SYNE1: variants seen among roughly 807,000 people sequenced by gnomAD.
The protein encoded by SYNE1 is nesprin-1.
A neutral mutation model predicts 1,111.0 loss-of-function variants in SYNE1; 616 were observed. The ratio of observed to expected loss-of-function variants is 0.55; its 90% confidence interval spans 0.52 to 0.59. The LOEUF (loss-of-function observed/expected upper bound fraction) is 0.59, where lower values mean the gene tolerates loss of function less well. Among genes scored for constraint, SYNE1 ranks in the 20% least tolerant of loss-of-function variants. SYNE1 has a pLI of 0.00. For synonymous variants in SYNE1, 3,855 were observed against 3,825.8 expected (o/e 1.01, Z -0.28); for missense variants, 10,006 against 10,417.0 (o/e 0.96, Z 1.72).
chr6:152,512,486 G>T (rs1422302980), intron 6 of SYNE1, among the ~76,000 whole-genome samples: 1 of 151,946 alleles, frequency 6.6e-6, no homozygotes, highest in Non-Finnish European at 1.5e-5. Flanking sequence ...ATCCATTTTA[G>T]CATACATACA....
intron 131 of SYNE1, among the ~76,000 whole-genome samples, chr6:152,157,119 G>A (rs1041276706): frequency 1.3e-5 from 2 of 152,110 alleles, no homozygotes; most frequent in Admixed American, 1.3e-4. Context: ...GAGCCACCAC[G>A]CCCAGCTGAT....
chr6:152,490,738 C>A (rs748637665), intron 11 of SYNE1, among the ~76,000 whole-genome samples: 1 of 152,168 alleles, frequency 6.6e-6, no homozygotes, highest in Non-Finnish European at 1.5e-5. Context: ...CACGGACACA[C>A]GTGACATTTG....
Position 152,508,631 on chromosome 6 carries a change from C to T in SYNE1, c.581+1562G>A, listed in dbSNP as rs184671097. On this transcript the variant is annotated intron_variant, in intron 8 of 145. Transcript: ENST00000367255. ...TTACAAAGTTTAATTGCAATAGCATCGTGACACATCAGTGTGCAGTCACCA... is the reference window on the plus strand; with the variant it reads ...TTACAAAGTTTAATTGCAATAGCATTGTGACACATCAGTGTGCAGTCACCA... Among the ~76,000 whole-genome samples, 111 of 152,290 alleles carry T rather than the reference C, an allele frequency of 7.3e-4. 1 individual carries two copies. The highest frequency in any genetic ancestry group is 2.0e-3 in the African/African-American group (84 of 41,558).
At chr6:152,586,651 C>T (rs1429645922) in intron 3 of SYNE1, among the ~76,000 whole-genome samples, 2 of 96,074 alleles carry the variant, frequency 2.1e-5, no homozygotes, top group East Asian at 1.3e-3. Context: ...CAAACATACT[C>T]TCATACACAC....
intron 101 of SYNE1, among the ~76,000 whole-genome samples, chr6:152,257,635 GA>G (rs2091145312): frequency 6.6e-6 from 1 of 152,120 alleles, no homozygotes; most frequent in Non-Finnish European, 1.5e-5. Context: ...ATTAGAAACA[GA>G]AAGGATGAGA....
chr6:152,627,490 T>TAA (rs5880989), intron 3 of SYNE1, among the ~76,000 whole-genome samples: 23,742 of 134,186 alleles, frequency 0.18, 2,685 homozygotes, highest in East Asian at 0.37. Context: ...ATATCTCTAC[T>TAA]AAAAAAAAAA....
At chr6:152,450,979 T>C (rs1234725970) in intron 26 of SYNE1, 68 bp downstream of exon 26, 33 of 1,607,670 alleles carry the variant, frequency 2.1e-5, no homozygotes, top group Non-Finnish European at 2.7e-5. Flanking sequence ...AACCAAAATA[T>C]TAGTAATATC....
At chr6:152,184,400 G>A (rs1247539733) in intron 128 of SYNE1, among the ~76,000 whole-genome samples, 2 of 144,406 alleles carry the variant, frequency 1.4e-5, no homozygotes, top group African/African-American at 5.2e-5. Context: ...TCGCACCACT[G>A]CACTCCAGCC....
intron 100 of SYNE1, 61 bp downstream of exon 100, chr6:152,267,995 A>T: frequency 7.0e-7 from 1 of 1,437,252 alleles, no homozygotes; most frequent in Non-Finnish European, 9.8e-7. Context: ...TGAGATGTTT[A>T]CTTTTCTTCA....
At position 152,500,625 on chromosome 6, in the gene SYNE1, T is replaced by C. The variant is rs2154322797; in HGVS notation, c.889-1833A>G. Among the ~76,000 whole-genome samples the C allele has an allele frequency of 2.0e-5, 3 of 152,268 alleles. 1 individual carries two copies. In the South Asian group the frequency reaches 6.2e-4, roughly 32 times the overall value. Reference sequence around the variant, plus strand: ...CTTTTGGTTATGCTCCTTAGCCTTTTTCTTCTTTATATATGTTTCTAAGTC... The same window carrying C: ...CTTTTGGTTATGCTCCTTAGCCTTTCTCTTCTTTATATATGTTTCTAAGTC... On this transcript the variant is annotated intron_variant, in intron 10 of 145. Coordinates refer to ENST00000367255, the MANE Select transcript of SYNE1 (RefSeq NM_182961.4).
At position 152,140,160 on chromosome 6, in the gene SYNE1, AC is replaced by A; in HGVS notation, c.25247del (p.Gly8416ValfsTer2). ...NLHSTETQTA[G>X]VIDRWELLQA... ...GGAGAAGCTCCCATCGGTCAATCAC[AC>A]CTGGCAAGACATGCATAGAACAGTG... On this transcript the variant is annotated frameshift_variant and splice_region_variant, in exon 140 of 146. Coordinates refer to ENST00000367255, the MANE Select transcript of SYNE1 (RefSeq NM_182961.4). LOFTEE classifies it high-confidence loss of function. 6.2e-7 allele frequency: 1 copy of A among 1,614,124 alleles called. No individual in the cohort carries two copies. The highest frequency in any genetic ancestry group is 8.5e-7 in the Non-Finnish European group (1 of 1,179,996).
At chr6:152,350,907 CATT>C in intron 70 of SYNE1, 137 bp from the exon 71 acceptor site, 1 of 1,013,186 alleles carries the variant, frequency 9.9e-7, no homozygotes, top group Non-Finnish European at 1.5e-6. Context: ...AGGTGCAAGA[CATT>C]AAAGAGAGAG....
intron 11 of SYNE1, among the ~76,000 whole-genome samples, chr6:152,492,642 C>G (rs1017999429): frequency 6.6e-6 from 1 of 152,226 alleles, no homozygotes; most frequent in Non-Finnish European, 1.5e-5. Context: ...CCAAGGCTCT[C>G]TGACTGACTC....
At chr6:152,180,412 C>T (rs990257493) in intron 128 of SYNE1, 118 bp from the exon 129 acceptor site, 28 of 992,696 alleles carry the variant, frequency 2.8e-5, no homozygotes, top group Non-Finnish European at 4.0e-5. Context: ...TCTTTTTAGC[C>T]CACTGTTTCC....
chr6:152,408,126 A>G (rs2154167362), intron 44 of SYNE1, among the ~76,000 whole-genome samples: 1 of 152,298 alleles, frequency 6.6e-6, no homozygotes, highest in Non-Finnish European at 1.5e-5. Context: ...TTATTTTATT[A>G]TATTACACAA....
Position 152,331,544 on chromosome 6 carries a change from G to A in SYNE1, c.13141C>T (p.Gln4381Ter), listed in dbSNP as rs2096247968. Reference sequence around the variant, plus strand: ...GCCAGGTGATCCATGAGAAGGTTCTGAGCCATATCTGGAGGAGGGCTCTGC... The same window carrying A: ...GCCAGGTGATCCATGAGAAGGTTCTAAGCCATATCTGGAGGAGGGCTCTGC... ...LKQSPPPDMA[Q>*]NLLMDHLAIC... The change falls in exon 78 of 146, where the codon CAG becomes TAG. Residue 4381 changes from glutamine (Q) to a stop codon, truncating the protein, a stop_gained. Transcript: ENST00000367255. LOFTEE classifies it high-confidence loss of function. The A allele has an allele frequency of 6.2e-7, 1 of 1,614,148 alleles. No homozygotes were observed. Among genetic ancestry groups the A allele is most frequent in the East Asian group, 2.2e-5 (1 of 44,878 alleles).
At chr6:152,536,368 A>G (rs2099238119) in intron 4 of SYNE1, among the ~76,000 whole-genome samples, 1 of 131,860 alleles carries the variant, frequency 7.6e-6, no homozygotes, top group Non-Finnish European at 1.6e-5. Flanking sequence ...ATACTAATAT[A>G]TATATAGTAA....
chr6:152,405,959 ATAGCCCAAT>A (rs1181303373), intron 45 of SYNE1, among the ~76,000 whole-genome samples: 1 of 152,036 alleles, frequency 6.6e-6, no homozygotes, highest in Admixed American at 6.6e-5. Flanking sequence ...CACTTTTATC[ATAGCCCAAT>A]TACTACTTGA....
chr6:152,132,608 A>G (rs2056064095), intron 143 of SYNE1, among the ~76,000 whole-genome samples: 1 of 152,248 alleles, frequency 6.6e-6, no homozygotes. Context: ...AACAAAAGAT[A>G]GTCATCTAGG....
Sources: gnomAD v4.1 joint callset for allele counts (sites outside exome capture counted in the v4.1 genomes callset) on GRCh38, gnomAD v4.1.1 for gene constraint, MANE v1.5 for transcripts, NCBI Gene and HGNC (gene_info 2026-07-23, HGNC 2026-07-21) for gene names.